CPSF2: variants seen among roughly 807,000 people sequenced by gnomAD.
The protein encoded by CPSF2 is cleavage and polyadenylation specific factor 2, also known as cleavage and polyadenylation specificity factor subunit 2.
In CPSF2, 51 loss-of-function variants were observed where a neutral mutation model predicts 84.2. The observed-to-expected ratio is 0.61, with a 90% CI of 0.48 to 0.77. CPSF2 has a LOEUF of 0.77. Among genes scored for constraint, CPSF2 ranks in the 30% least tolerant of loss-of-function variants. The probability of loss-of-function intolerance (pLI) is 0.00; values close to 1 mark genes in which losing one functional copy is unlikely to be tolerated. For synonymous variants in CPSF2, 286 were observed against 311.9 expected (o/e 0.92, Z 0.87); for missense variants, 641 against 929.4 (o/e 0.69, Z 4.03).
intron 13 of CPSF2, among the ~76,000 whole-genome samples, chr14:92,158,502 C>G (rs1595067305): frequency 6.6e-6 from 1 of 152,246 alleles, no homozygotes; most frequent in East Asian, 1.9e-4. Flanking sequence ...GAAGAAGCAA[C>G]CTTCCAAGAA....
rs1466244039 is a variant in CPSF2 at position 92,163,274 on chromosome 14, A to C, written c.*1530A>C. 6.6e-6 allele frequency: 1 copy of C among 152,370 alleles called. No individual in the cohort carries two copies. Among genetic ancestry groups the C allele is most frequent in the East Asian group, 1.9e-4 (1 of 5,198 alleles). 9.4% of individuals were successfully genotyped at this position (152,370 alleles called of 1,614,324 possible). ...GAACAACCCAGTAATATCAGACTCG[A>C]ATTACTATTTCATTCTATTTCAAAT... is the stretch of plus-strand genomic sequence containing the variant. On this transcript the variant is annotated 3_prime_UTR_variant, in exon 16 of 16. Transcript: ENST00000298875.
chr14:92,126,065 T>G (rs1758540216), intron 1 of CPSF2, 57 bp from the exon 2 acceptor site: 1 of 152,236 alleles, frequency 6.6e-6, no homozygotes, highest in Admixed American at 6.5e-5. Context: ...AACACCATAA[T>G]TATAAACAGA....
At chr14:92,130,518 C>G (rs1567016552) in intron 2 of CPSF2, among the ~76,000 whole-genome samples, 1 of 152,176 alleles carries the variant, frequency 6.6e-6, no homozygotes, top group African/African-American at 2.4e-5. Context: ...GCAGTAGTAT[C>G]TGTTATAGGT....
intron 10 of CPSF2, among the ~76,000 whole-genome samples, chr14:92,154,745 T>A (rs1230392825): frequency 6.6e-6 from 1 of 152,214 alleles, no homozygotes; most frequent in African/African-American, 2.4e-5. Flanking sequence ...GGGGATTTAG[T>A]CATTGTGCAA....
intron 14 of CPSF2, among the ~76,000 whole-genome samples, chr14:92,160,518 C>T (rs555492150): frequency 1.3e-5 from 2 of 152,268 alleles, no homozygotes; most frequent in African/African-American, 2.4e-5. Context: ...TTGTTGGATT[C>T]CCTTCTAGTA....
chr14:92,136,135 C>CA (rs1233199051), intron 6 of CPSF2, among the ~76,000 whole-genome samples: 7 of 152,218 alleles, frequency 4.6e-5, no homozygotes, highest in African/African-American at 1.7e-4. Flanking sequence ...ATGTGGCACT[C>CA]AGAGCATTAC....
In CPSF2 at chr14:92,160,469, A is replaced by G. The variant is rs369173466; in HGVS notation, c.2122-643A>G. 3.9e-5 allele frequency among the ~76,000 whole-genome samples: 6 copies of G among 152,350 alleles called. No individual in the cohort carries two copies. In the East Asian group the frequency reaches 1.2e-3, roughly 29 times the overall value. On this transcript the variant is annotated intron_variant, in intron 14 of 15. Transcript: ENST00000298875. ...TACATGCATGTCAAGTGATGTCTTC[A>G]GCCCTACTATGAAATTAAGAATAGA...
chr14:92,145,480 C>G (rs2069132154), intron 9 of CPSF2, among the ~76,000 whole-genome samples: 1 of 152,178 alleles, frequency 6.6e-6, no homozygotes, highest in African/African-American at 2.4e-5. Flanking sequence ...TCTGCCAACT[C>G]TACTTAAGAA....
intron 6 of CPSF2, among the ~76,000 whole-genome samples, chr14:92,136,811 A>G (rs1189129049): frequency 6.6e-6 from 1 of 152,246 alleles, no homozygotes; most frequent in African/African-American, 2.4e-5. Flanking sequence ...GGATTCAACC[A>G]TTTTGGAAAA....
intron 9 of CPSF2, among the ~76,000 whole-genome samples, chr14:92,145,231 A>G (rs1023353084): frequency 1.3e-5 from 2 of 152,062 alleles, no homozygotes; most frequent in South Asian, 4.1e-4. Context: ...TCTTTGTAGC[A>G]CTCATATAAT....
chr14:92,137,082 A>G (rs2069010109), intron 6 of CPSF2, among the ~76,000 whole-genome samples: 1 of 152,164 alleles, frequency 6.6e-6, no homozygotes, highest in African/African-American at 2.4e-5. Flanking sequence ...TACAACATAT[A>G]TATAAGATCA....
intron 9 of CPSF2, among the ~76,000 whole-genome samples, chr14:92,144,605 GT>G (rs2069120296): frequency 6.6e-6 from 1 of 152,184 alleles, no homozygotes; most frequent in Non-Finnish European, 1.5e-5. Flanking sequence ...TTCTGTTTTA[GT>G]TGCCTGGAAA....
At chr14:92,160,572 C>T (rs2069358848) in intron 14 of CPSF2, among the ~76,000 whole-genome samples, 1 of 152,136 alleles carries the variant, frequency 6.6e-6, no homozygotes, top group Admixed American at 6.5e-5. Context: ...TTTTTTTCTT[C>T]TGTGCTAAAG....
intron 9 of CPSF2, among the ~76,000 whole-genome samples, chr14:92,145,460 G>C (rs748111313): frequency 9.2e-5 from 14 of 152,182 alleles, no homozygotes; most frequent in Admixed American, 2.6e-4. Flanking sequence ...CTATGTGGTA[G>C]AGATATCTGT....
intron 2 of CPSF2, among the ~76,000 whole-genome samples, chr14:92,126,728 A>G (rs1180253992): frequency 2.0e-5 from 3 of 152,144 alleles, no homozygotes; most frequent in Non-Finnish European, 4.4e-5. Flanking sequence ...ACTTGAGCCC[A>G]GGAGGTTGAA....
intron 9 of CPSF2, among the ~76,000 whole-genome samples, chr14:92,144,999 T>TA: frequency 6.6e-6 from 1 of 152,200 alleles, no homozygotes; most frequent in Non-Finnish European, 1.5e-5. Flanking sequence ...ACAAGACTAT[T>TA]AGCTCACTAA....
chr14:92,144,203 T>A (rs1035810722), intron 9 of CPSF2, among the ~76,000 whole-genome samples: 23 of 152,256 alleles, frequency 1.5e-4, no homozygotes, highest in African/African-American at 5.3e-4. Flanking sequence ...ATTCACAGTC[T>A]TCCTGTCCAC....
intron 1 of CPSF2, 70 bp downstream of exon 1, chr14:92,122,198 A>ACGGGGCG (rs1170595402): frequency 3.1e-6 from 1 of 319,092 alleles, no homozygotes; most frequent in Non-Finnish European, 6.1e-6. Context: ...CTCCGGGAGC[A>ACGGGGCG]CGGGGCCCCG....
intron 9 of CPSF2, among the ~76,000 whole-genome samples, chr14:92,149,822 A>AT (rs2069189449): frequency 6.6e-6 from 1 of 151,534 alleles, no homozygotes; most frequent in Non-Finnish European, 1.5e-5. Context: ...CGCCTGGCTG[A>AT]TTTTTTGTAG....
Sources: gnomAD v4.1 joint callset for allele counts (sites outside exome capture counted in the v4.1 genomes callset) on GRCh38, gnomAD v4.1.1 for gene constraint, MANE v1.5 for transcripts, NCBI Gene and HGNC (gene_info 2026-07-23, HGNC 2026-07-21) for gene names.